The following DHX34 variants were observed in gnomAD, a reference collection of about 807,000 sequenced individuals.
The protein encoded by DHX34 is DExH-box helicase 34.
A neutral mutation model predicts 111.1 loss-of-function variants in DHX34; 96 were observed. The ratio of observed to expected loss-of-function variants is 0.86; its 90% CI spans 0.73 to 1.02. The LOEUF (loss-of-function observed/expected upper bound fraction) is 1.02. Ranked by LOEUF, DHX34 falls within the 50% of genes least tolerant of loss-of-function variation. The pLI is 0.00. For synonymous variants in DHX34, 688 were observed against 670.4 expected (o/e 1.03, Z -0.41); for missense variants, 1,560 against 1,579.9 (o/e 0.99, Z 0.21).
chr19:47,371,322 A>G (rs1236064589), intron 7 of DHX34, among the ~76,000 whole-genome samples: 1 of 152,200 alleles, frequency 6.6e-6, no homozygotes, highest in Non-Finnish European at 1.5e-5. Flanking sequence ...TCACAGTGGG[A>G]ACTGAGAGGC....
Position 47,353,872 on chromosome 19 carries a change from CAG to C in DHX34, c.705+140_705+141del. On this transcript the variant is annotated intron_variant, in intron 2 of 16. Transcript: ENST00000328771. The surrounding 1 kb of genome is among the most constrained non-coding windows in gnomAD (Gnocchi z 4.6). ...GATGATTCTTCTAGAACTTTATCCA[CAG>C]AGTGGCTTGTCTGTGGTCTACATGA... 1.2e-6 allele frequency: 1 copy of C among 866,982 alleles called. No individual in the cohort carries two copies. The highest frequency in any genetic ancestry group is 1.7e-6 in the Non-Finnish European group (1 of 585,446). 53.7% of individuals were successfully genotyped at this position (866,982 alleles called of 1,614,324 possible).
intron 7 of DHX34, among the ~76,000 whole-genome samples, chr19:47,369,861 G>T (rs762192605): frequency 6.6e-6 from 1 of 152,144 alleles, no homozygotes; most frequent in African/African-American, 2.4e-5. Context: ...GTTCTGTGAG[G>T]ATCTGGAAAG....
At chr19:47,375,166 AG>A (rs142363345) in intron 9 of DHX34, among the ~76,000 whole-genome samples, 78 of 152,292 alleles carry the variant, frequency 5.1e-4, no homozygotes, top group African/African-American at 1.8e-3. Flanking sequence ...GTGGGAAAGC[AG>A]GGCCCCCCAG....
At chr19:47,350,221 A>G (rs1275472871) in intron 1 of DHX34, among the ~76,000 whole-genome samples, 2 of 151,946 alleles carry the variant, frequency 1.3e-5, no homozygotes, top group African/African-American at 4.8e-5. Context: ...CTGGAAGGAC[A>G]AAAGGGAGGA....
chr19:47,369,069 G>T (rs771251304), intron 7 of DHX34, among the ~76,000 whole-genome samples: 1 of 152,116 alleles, frequency 6.6e-6, no homozygotes, highest in Non-Finnish European at 1.5e-5. Context: ...GTAGAGACGG[G>T]GTTTCATCAT....
intron 7 of DHX34, among the ~76,000 whole-genome samples, chr19:47,367,653 G>T (rs1969832402): frequency 6.6e-6 from 1 of 152,150 alleles, no homozygotes; most frequent in African/African-American, 2.4e-5. Context: ...ACTTTGGGAG[G>T]CTGAGGCAGG....
rs889665903 is a variant in DHX34, at chr19:47,358,365, A to T, written c.1272+245A>T. Among the ~76,000 whole-genome samples, 3 of 152,236 alleles carry T rather than the reference A, an allele frequency of 2.0e-5. No individual in the cohort carries two copies. The East Asian group carries it at 5.8e-4, about 29-fold the overall frequency. On this transcript the variant is annotated intron_variant, in intron 4 of 16. Transcript: ENST00000328771. ...GTAGATGATGTCAGTCCTATCGACC[A>T]TGGGCTCTCTGTCTGTCACAGCTAC... is the stretch of plus-strand genomic sequence containing the variant.
At chr19:47,361,456 TAAAA>T (rs538415702) in intron 5 of DHX34, among the ~76,000 whole-genome samples, 2 of 143,592 alleles carry the variant, frequency 1.4e-5, no homozygotes, top group African/African-American at 5.2e-5. Context: ...AGACCCTGTT[TAAAA>T]AAAAAAGAGA....
chr19:47,354,909 C>T (rs1969404421), intron 2 of DHX34, 130 bp from the exon 3 acceptor site: 26 of 1,484,994 alleles, frequency 1.8e-5, no homozygotes, highest in Non-Finnish European at 2.3e-5. Flanking sequence ...CCGCCTCTGC[C>T]TCCCAAAGTG....
chr19:47,368,414 C>G (rs1041724435), intron 7 of DHX34, among the ~76,000 whole-genome samples: 12 of 141,208 alleles, frequency 8.5e-5, no homozygotes. Context: ...TCAAGCGATT[C>G]TCCTGCCTCA....
chr19:47,355,412 G>T, intron 3 of DHX34, 62 bp downstream of exon 3: 1 of 1,571,036 alleles, frequency 6.4e-7, no homozygotes. Context: ...TCCAAACCTG[G>T]ACATGCCTCT....
In DHX34 at chr19:47,372,805, A is replaced by G. The variant is rs551958858; in HGVS notation, c.1844A>G (p.Gln615Arg). 3 of 1,613,178 alleles carry G rather than the reference A, an allele frequency of 1.9e-6. No homozygotes were observed. The South Asian group carries it at 3.3e-5, about 18-fold the overall frequency. Reference protein sequence around the residue: ...VLTIAAALSVQSPFTRSAQSS... With the variant: ...VLTIAAALSVRSPFTRSAQSS... The stretch of plus-strand genomic sequence containing the variant: ...ACCATCGCAGCCGCACTTAGCGTCC[A>G]GTCGCCCTTCACCCGCAGCGCCCAG... The change falls in exon 8 of 17, where the codon CAG becomes CGG. Residue 615 changes from glutamine to arginine, a missense_variant. Transcript: ENST00000328771.
intron 7 of DHX34, among the ~76,000 whole-genome samples, chr19:47,371,130 C>T (rs1443633569): frequency 6.6e-6 from 1 of 152,198 alleles, no homozygotes; most frequent in Non-Finnish European, 1.5e-5. Flanking sequence ...CTCTGATCGC[C>T]CCCAGTGTGT....
rs1043600731 is a variant in DHX34 at position 47,355,486 on chromosome 19, AT to A, written c.1017+140del. ...GATGTTCTCTTTTTTTAAAGCTACC[AT>A]TTTCTGAGCATTCATAATCAGCTGG... On this transcript the variant is annotated intron_variant, in intron 3 of 16. Transcript: ENST00000328771. 1.1e-5 allele frequency: 15 copies of A among 1,354,098 alleles called. No homozygotes were observed. In the African/African-American group the frequency reaches 2.1e-4, roughly 19 times the overall value. The allele number at this position is 1,354,098 out of a possible 1,614,324, so 83.9% of individuals were successfully genotyped here.
At chr19:47,373,556 A>G in intron 8 of DHX34, 43 bp from the exon 9 acceptor site, 3 of 1,598,474 alleles carry the variant, frequency 1.9e-6, no homozygotes, top group Non-Finnish European at 1.7e-6. Flanking sequence ...CCCTCCCCGC[A>G]CTGGCCAGGC....
Position 47,377,128 on chromosome 19 carries a change from C to T in DHX34, c.2628C>T (p.His876=). The change falls in exon 13 of 17, where the codon CAC becomes CAT. Residue 876 remains histidine, a synonymous_variant. Transcript: ENST00000328771. The part of the protein sequence containing the change: ...RDDKDKMSSK[H]QLLSFVSLLE... Reference sequence around the variant, plus strand: ...ACAAGGACAAGATGAGCAGCAAACACCAGCTCCTCAGCTTCGTGTCCCTGC... The same window carrying T: ...ACAAGGACAAGATGAGCAGCAAACATCAGCTCCTCAGCTTCGTGTCCCTGC... 1 of 1,614,070 alleles carries T rather than the reference C, an allele frequency of 6.2e-7. No homozygotes were observed. Among genetic ancestry groups the T allele is most frequent in the South Asian group, 1.1e-5 (1 of 91,086 alleles).
In DHX34 at chr19:47,382,211, G is replaced by GCCCT. The variant is rs752435132; in HGVS notation, c.*99_*102dup. ...TGCCTGAACCCCCAGCCTGGGCTTA[G>GCCCT]CCCTGTGGTCCTGTCCCAGTGCAGA... On this transcript the variant is annotated 3_prime_UTR_variant, in exon 17 of 17. Transcript: ENST00000328771. The GCCCT allele has an allele frequency of 6.3e-5, 97 of 1,532,786 alleles. No homozygotes were observed. The highest frequency in any genetic ancestry group is 1.7e-4 in the Admixed American group (8 of 46,166). 94.9% of individuals were successfully genotyped at this position (1,532,786 alleles called of 1,614,324 possible).
At chr19:47,376,590 C>T (rs942088582) in intron 12 of DHX34, 30 bp downstream of exon 12, 4 of 1,546,590 alleles carry the variant, frequency 2.6e-6, no homozygotes, top group East Asian at 2.4e-5. Context: ...AAGGAACCCC[C>T]ATCCGGGATG....
intron 6 of DHX34, among the ~76,000 whole-genome samples, chr19:47,363,777 C>T (rs564066309): frequency 2.0e-4 from 29 of 148,694 alleles, no homozygotes; most frequent in Admixed American, 1.5e-3. Flanking sequence ...GAGATCACAC[C>T]ACTGCACTCC....
Sources: allele counts gnomAD v4.1 joint callset (sites outside exome capture counted in the v4.1 genomes callset), GRCh38; gene constraint gnomAD v4.1.1; non-coding constraint Gnocchi (gnomAD v3.1); transcripts MANE v1.5; gene names NCBI Gene and HGNC (gene_info 2026-07-23, HGNC 2026-07-21).